Variants in MARK3 observed in about 807,000 individuals in gnomAD.
The protein encoded by MARK3 is microtubule affinity regulating kinase 3, also known as MAP/microtubule affinity-regulating kinase 3.
MARK3 carries 46 observed loss-of-function variants against 90.1 expected under a neutral mutation model. That is an observed-to-expected ratio of 0.51 (90% CI 0.40 to 0.65). MARK3 has a LOEUF of 0.65. MARK3 is among the 30% of genes least tolerant of loss of function. MARK3 has a pLI of 0.00. For synonymous variants in MARK3, 321 were observed against 332.6 expected (o/e 0.97, Z 0.38); for missense variants, 818 against 947.2 (o/e 0.86, Z 1.79).
chr14:103,400,402 C>A (rs1490165520), intron 1 of MARK3, among the ~76,000 whole-genome samples: 1 of 152,134 alleles, frequency 6.6e-6, no homozygotes, highest in Non-Finnish European at 1.5e-5. Context: ...AACACGTGTT[C>A]AACTTCTTGA....
intron 5 of MARK3, among the ~76,000 whole-genome samples, chr14:103,454,646 G>A (rs1024493705): frequency 2.6e-5 from 4 of 152,108 alleles, no homozygotes; most frequent in East Asian, 1.9e-4. Context: ...TATTAAATTG[G>A]CCACCCATTC....
chr14:103,485,765 C>T (rs2093917441), intron 14 of MARK3, among the ~76,000 whole-genome samples: 1 of 152,140 alleles, frequency 6.6e-6, no homozygotes, highest in Admixed American at 6.5e-5. Flanking sequence ...CACAGTGGCT[C>T]ACAAGCCCTG....
chr14:103,444,755 C>T (rs1042038296), intron 3 of MARK3, among the ~76,000 whole-genome samples: 5 of 151,258 alleles, frequency 3.3e-5, no homozygotes, highest in Non-Finnish European at 5.9e-5. Context: ...CCAGCCTGGG[C>T]GACAGAGCGA....
In MARK3 at chr14:103,503,022, A is replaced by G. The variant is rs1224859509; in HGVS notation, c.2057A>G (p.Asn686Ser). The change falls in exon 18 of 18, where the codon AAT becomes AGT. Residue 686 changes from asparagine (N) to serine (S), a missense_variant. By Grantham distance (46) the Asn-to-Ser change is conservative. Around this residue, in one of 3 missense-constraint regions of MARK3, gnomAD observed 560 missense variants for 613.5 expected, o/e 0.91. Transcript: ENST00000429436. The part of the protein sequence containing the change: ...MREIRKVLDA[N>S]NCDYEQRERF... ...GAAATCCGCAAAGTGTTGGACGCCA[A>G]TAACTGCGACTATGAGCAGAGGGAG... The G allele has an allele frequency of 1.9e-6, 3 of 1,614,158 alleles. No homozygotes were observed. The highest frequency in any genetic ancestry group is 2.7e-5 in the African/African-American group (2 of 74,952).
intron 11 of MARK3, 187 bp from the exon 12 acceptor site, chr14:103,467,846 A>T: frequency 2.0e-6 from 1 of 501,050 alleles, no homozygotes; most frequent in Non-Finnish European, 3.5e-6. Flanking sequence ...CCTTACCTTT[A>T]GTGTCTTTCC....
intron 1 of MARK3, among the ~76,000 whole-genome samples, chr14:103,394,513 A>G (rs1434596765): frequency 1.3e-5 from 2 of 152,178 alleles, no homozygotes; most frequent in Non-Finnish European, 2.9e-5. Flanking sequence ...CAAGCTGCTC[A>G]ACTATGGTTG....
At chr14:103,501,642 C>T (rs753078933) in intron 17 of MARK3, among the ~76,000 whole-genome samples, 1 of 152,004 alleles carries the variant, frequency 6.6e-6, no homozygotes, top group Non-Finnish European at 1.5e-5. Flanking sequence ...GCTGTTTCCT[C>T]CTTGTCTCAT....
intron 2 of MARK3, among the ~76,000 whole-genome samples, chr14:103,407,000 A>G (rs2091339547): frequency 1.3e-5 from 2 of 151,726 alleles, no homozygotes; most frequent in Non-Finnish European, 2.9e-5. Context: ...CACCCGGCTA[A>G]TTTTTTGTAT....
intron 7 of MARK3, among the ~76,000 whole-genome samples, chr14:103,463,444 G>A (rs2093440255): frequency 6.6e-6 from 1 of 152,032 alleles, no homozygotes; most frequent in Admixed American, 6.6e-5. Context: ...CTGAGCAAAG[G>A]GTGTCTTCAT....
intron 2 of MARK3, among the ~76,000 whole-genome samples, chr14:103,416,237 A>T (rs559887780): frequency 1.3e-5 from 2 of 152,374 alleles, no homozygotes; most frequent in Admixed American, 1.3e-4. Context: ...ATCGGTGAGT[A>T]TAAATTAGAG....
intron 3 of MARK3, among the ~76,000 whole-genome samples, chr14:103,447,336 T>C (rs2093021983): frequency 6.6e-6 from 1 of 152,182 alleles, no homozygotes; most frequent in Non-Finnish European, 1.5e-5. Context: ...ATCTGGTCCA[T>C]GTCCATCTCC....
intron 3 of MARK3, among the ~76,000 whole-genome samples, chr14:103,446,495 C>T (rs879845241): frequency 2.6e-5 from 4 of 152,018 alleles, no homozygotes; most frequent in Non-Finnish European, 5.9e-5. Flanking sequence ...GCATTCCAGC[C>T]TGGGCATCAG....
intron 3 of MARK3, among the ~76,000 whole-genome samples, chr14:103,440,717 C>T (rs532691632): frequency 6.6e-6 from 1 of 151,986 alleles, no homozygotes; most frequent in South Asian, 2.1e-4. Context: ...AAGATCTCTC[C>T]AAGCCAGGAG....
chr14:103,486,197 G>C (rs2093926409), intron 14 of MARK3, among the ~76,000 whole-genome samples: 1 of 152,190 alleles, frequency 6.6e-6, no homozygotes. Flanking sequence ...CCAGCACTTT[G>C]GGAGGCCGAG....
chr14:103,452,471 CT>C lies in MARK3; in HGVS notation c.412+506del, dbSNP rs71126026. 1.8e-3 allele frequency among the ~76,000 whole-genome samples: 173 copies of C among 97,470 alleles called. 6 individuals are homozygous for C. The East Asian group carries it at 0.028, about 16-fold the overall frequency. 63.9% of individuals were successfully genotyped at this position (97,470 alleles called of 152,430 possible). A position where few individuals can be genotyped will look rare whatever the true frequency, so the allele number is the denominator to read the frequency against. On this transcript the variant is annotated intron_variant, in intron 5 of 17. Transcript: ENST00000429436. ...ACAAGTGGAATTTTACAGGATTTGTCTTTTTTTTTTTTTTTTTTGAGACGGA... is the reference window on the plus strand; with the variant it reads ...ACAAGTGGAATTTTACAGGATTTGTCTTTTTTTTTTTTTTTTTGAGACGGA...
intron 12 of MARK3, 130 bp downstream of exon 12, chr14:103,468,316 T>TC (rs1355471075): frequency 0.088 from 4,354 of 49,296 alleles, 927 homozygotes; most frequent in Admixed American, 0.16. Flanking sequence ...TCTTTCTTCT[T>TC]TTTTTTTTTT....
intron 3 of MARK3, among the ~76,000 whole-genome samples, chr14:103,447,426 C>T (rs540963889): frequency 5.4e-4 from 82 of 152,350 alleles, no homozygotes; most frequent in African/African-American, 1.9e-3. Flanking sequence ...TTCTCACCAG[C>T]TTCCTTTCCA....
chr14:103,427,938 AT>A (rs2092464602), intron 2 of MARK3, among the ~76,000 whole-genome samples: 1 of 152,162 alleles, frequency 6.6e-6, no homozygotes, highest in Non-Finnish European at 1.5e-5. Flanking sequence ...GTGACTAAGA[AT>A]GCCTGACTTC....
chr14:103,406,223 TA>T (rs972070576), intron 2 of MARK3, among the ~76,000 whole-genome samples: 13 of 147,308 alleles, frequency 8.8e-5, no homozygotes, highest in African/African-American at 2.8e-4. Context: ...TTTGGGGGGT[TA>T]GGGGGGTGTC....
Sources: allele counts gnomAD v4.1 joint callset (sites outside exome capture counted in the v4.1 genomes callset), GRCh38; gene constraint gnomAD v4.1.1; regional missense constraint gnomAD v4.1.1; transcripts MANE v1.5; gene names NCBI Gene and HGNC (gene_info 2026-07-23, HGNC 2026-07-21).